Variants in SLC35F3 observed in about 807,000 individuals in gnomAD.
SLC35F3 encodes solute carrier family 35 member F3, also known as putative thiamine transporter SLC35F3.
Under a neutral mutation model 49.9 loss-of-function variants are expected in SLC35F3, and 25 were observed. That is an observed-to-expected ratio of 0.50 (90% CI 0.37 to 0.70). The LOEUF is 0.70. Ranked by LOEUF, SLC35F3 falls within the 30% of genes least tolerant of loss-of-function variation. SLC35F3 has a pLI of 0.00. For synonymous variants in SLC35F3, 275 were observed against 265.4 expected (o/e 1.04, Z -0.35); for missense variants, 525 against 639.8 (o/e 0.82, Z 1.94).
At chr1:234,023,740 A>G (rs1379816927) in intron 2 of SLC35F3, among the ~76,000 whole-genome samples, 5 of 151,488 alleles carry the variant, frequency 3.3e-5, no homozygotes, top group African/African-American at 1.2e-4. Flanking sequence ...GATAATATGC[A>G]CCCTTGACAC....
chr1:234,117,713 C>T (rs866314369), intron 2 of SLC35F3, among the ~76,000 whole-genome samples: 2 of 151,164 alleles, frequency 1.3e-5, no homozygotes, highest in African/African-American at 2.4e-5. Flanking sequence ...GGTGAAACCC[C>T]GTCTCTACTA....
chr1:234,161,496 C>T (rs1666226216), intron 2 of SLC35F3, among the ~76,000 whole-genome samples: 1 of 152,150 alleles, frequency 6.6e-6, no homozygotes, highest in Non-Finnish European at 1.5e-5. Flanking sequence ...CACAGTGACT[C>T]ATGCCTGTAA....
chr1:234,283,312 CCTT>C (rs1482002622), intron 3 of SLC35F3, among the ~76,000 whole-genome samples: 1 of 152,244 alleles, frequency 6.6e-6, no homozygotes, highest in Non-Finnish European at 1.5e-5. Flanking sequence ...AACTACCTTT[CCTT>C]CTTATGCTTT....
At chr1:234,242,553 A>G (rs11590252) in intron 3 of SLC35F3, among the ~76,000 whole-genome samples, 5,070 of 152,322 alleles carry the variant, frequency 0.033, 130 homozygotes, top group Non-Finnish European at 0.054. Flanking sequence ...AAAAAATCCA[A>G]TTGGCCAGAG....
At chr1:234,180,537 A>C (rs978577126) in intron 2 of SLC35F3, among the ~76,000 whole-genome samples, 1 of 152,230 alleles carries the variant, frequency 6.6e-6, no homozygotes, top group Non-Finnish European at 1.5e-5. Context: ...GCACACCTTT[A>C]TCTAACTCCA....
chr1:233,947,560 G>A (rs1662531813), intron 2 of SLC35F3, among the ~76,000 whole-genome samples: 1 of 151,628 alleles, frequency 6.6e-6, no homozygotes, highest in South Asian at 2.1e-4. Flanking sequence ...TCAAGCGAAG[G>A]GCTCAAATGG....
chr1:234,221,617 T>G (rs1242615945), intron 2 of SLC35F3, among the ~76,000 whole-genome samples: 1 of 152,226 alleles, frequency 6.6e-6, no homozygotes, highest in Non-Finnish European at 1.5e-5. Flanking sequence ...ACAGCCCTAT[T>G]GGGACATCCA....
Position 233,985,554 on chromosome 1 carries a change from A to T in SLC35F3, c.283+79796A>T, listed in dbSNP as rs533078714. Among the ~76,000 whole-genome samples the T allele has an allele frequency of 2.6e-5, 4 of 152,134 alleles. No individual in the cohort carries two copies. The South Asian group carries it at 8.3e-4, about 32-fold the overall frequency. Reference sequence around the variant, plus strand: ...CCATTAAGAAAAAAATTCCACTTTGATTCTTGGAGCCGCTTGAGACCCACA... The same window carrying T: ...CCATTAAGAAAAAAATTCCACTTTGTTTCTTGGAGCCGCTTGAGACCCACA... On this transcript the variant is annotated intron_variant, in intron 2 of 7. Transcript: ENST00000366618.
chr1:233,925,392 C>T (rs1025370269), intron 2 of SLC35F3, among the ~76,000 whole-genome samples: 5 of 152,062 alleles, frequency 3.3e-5, no homozygotes, highest in African/African-American at 1.2e-4. Context: ...ATGTAATGGC[C>T]TTCTTTGTGT....
At chr1:234,086,540 G>A (rs531701478) in intron 2 of SLC35F3, among the ~76,000 whole-genome samples, 2 of 152,350 alleles carry the variant, frequency 1.3e-5, no homozygotes, top group South Asian at 2.1e-4. Flanking sequence ...CTTGAGGAAA[G>A]GGATAATTTA....
intron 2 of SLC35F3, among the ~76,000 whole-genome samples, chr1:234,165,904 T>G (rs192365472): frequency 2.5e-4 from 38 of 152,288 alleles, no homozygotes; most frequent in African/African-American, 7.9e-4. Flanking sequence ...TAGCTGCCTT[T>G]GCGCACTCAT....
intron 3 of SLC35F3, among the ~76,000 whole-genome samples, chr1:234,307,173 C>A (rs530317703): frequency 1.4e-4 from 22 of 152,174 alleles, no homozygotes; most frequent in Non-Finnish European, 2.1e-4. Context: ...ATGAAAATTA[C>A]ATGGCAAACA....
chr1:234,214,731 G>C lies in SLC35F3; in HGVS notation c.284-16686G>C. On this transcript the variant is annotated intron_variant, in intron 2 of 7. Transcript: ENST00000366618. The surrounding 1 kb of genome is among the most constrained non-coding windows in gnomAD (Gnocchi z 8.0). The stretch of plus-strand genomic sequence containing the variant: ...GCAGAGCGCCGCCGCCTGCGTGGGG[G>C]GATCTGGCAGCTTCAGGGGCTGCCC... The C allele has an allele frequency of 1.1e-5, 11 of 1,015,642 alleles. No homozygotes were observed. In the African/African-American group the frequency reaches 1.5e-4, roughly 14 times the overall value. 62.9% of individuals were successfully genotyped at this position (1,015,642 alleles called of 1,614,324 possible).
At chr1:234,086,411 T>C (rs533473182) in intron 2 of SLC35F3, among the ~76,000 whole-genome samples, 2 of 152,350 alleles carry the variant, frequency 1.3e-5, no homozygotes, top group South Asian at 4.1e-4. Context: ...TATTGGGTTT[T>C]GAAGCAGAAA....
chr1:234,143,863 T>A (rs1023964528), intron 2 of SLC35F3, among the ~76,000 whole-genome samples: 5 of 152,196 alleles, frequency 3.3e-5, no homozygotes, highest in Admixed American at 3.3e-4. Flanking sequence ...TGACTTCATT[T>A]CCTTTAGGAT....
At chr1:233,926,613 G>A (rs765392934) in intron 2 of SLC35F3, among the ~76,000 whole-genome samples, 6 of 151,996 alleles carry the variant, frequency 3.9e-5, no homozygotes, top group Non-Finnish European at 7.4e-5. Flanking sequence ...TGTTATTACC[G>A]ATCTTCTGAA....
chr1:234,034,605 C>T (rs1368923049), intron 2 of SLC35F3, among the ~76,000 whole-genome samples: 1 of 151,540 alleles, frequency 6.6e-6, no homozygotes, highest in East Asian at 1.9e-4. Flanking sequence ...ACTGCAACCT[C>T]TGCCTCCCGG....
intron 2 of SLC35F3, among the ~76,000 whole-genome samples, chr1:233,979,117 G>A (rs1663139414): frequency 1.3e-5 from 2 of 151,712 alleles, no homozygotes; most frequent in South Asian, 2.1e-4. Flanking sequence ...GAAATGAACA[G>A]TGTGATTCAG....
At chr1:234,200,833 C>T (rs1322954093) in intron 2 of SLC35F3, among the ~76,000 whole-genome samples, 2 of 152,156 alleles carry the variant, frequency 1.3e-5, no homozygotes, top group Non-Finnish European at 2.9e-5. Flanking sequence ...AGACAGACCT[C>T]GTCATTTTGG....
Sources: allele counts gnomAD v4.1 joint callset (sites outside exome capture counted in the v4.1 genomes callset), GRCh38; gene constraint gnomAD v4.1.1; non-coding constraint Gnocchi (gnomAD v3.1); transcripts MANE v1.5; gene names NCBI Gene and HGNC (gene_info 2026-07-23, HGNC 2026-07-21).